PLCB1: variants seen among roughly 807,000 people sequenced by gnomAD.
The protein encoded by PLCB1 is phospholipase C beta 1.
In PLCB1, 46 loss-of-function variants were observed where a neutral mutation model predicts 161.8. The ratio of observed to expected loss-of-function variants is 0.28; its 90% confidence interval spans 0.22 to 0.36. The LOEUF is 0.36. PLCB1 is among the 10% of genes least tolerant of loss of function. PLCB1 has a pLI of 1.00. For missense variants in PLCB1, 1,016 were observed against 1,472.5 expected (o/e 0.69, Z 5.07); for synonymous variants, 517 against 503.7 (o/e 1.03, Z -0.35).
chr20:8,352,173 C>T (rs1275266838), intron 2 of PLCB1, among the ~76,000 whole-genome samples: 1 of 152,026 alleles, frequency 6.6e-6, no homozygotes, highest in East Asian at 1.9e-4. Context: ...AGCTTTCAAA[C>T]CATGCAAAGA....
intron 4 of PLCB1, among the ~76,000 whole-genome samples, chr20:8,644,546 A>C (rs1417396947): frequency 1.4e-4 from 16 of 111,488 alleles, no homozygotes; most frequent in African/African-American, 3.9e-4. Context: ...AAGTGAGGAG[A>C]CCCTCCGCCC....
chr20:8,374,993 G>A (rs1293600285), intron 3 of PLCB1, among the ~76,000 whole-genome samples: 1 of 152,074 alleles, frequency 6.6e-6, no homozygotes, highest in African/African-American at 2.4e-5. Flanking sequence ...TACAGGAAAT[G>A]GAAAAGCTTC....
At chr20:8,162,333 C>A (rs2051634657) in intron 2 of PLCB1, among the ~76,000 whole-genome samples, 1 of 152,058 alleles carries the variant, frequency 6.6e-6, no homozygotes, top group African/African-American at 2.4e-5. Context: ...TTAAGAATGA[C>A]CTTATATAAC....
At chr20:8,790,106 G>T (rs45541432) in intron 30 of PLCB1, 69 bp from the exon 31 acceptor site, 1 of 1,033,916 alleles carries the variant, frequency 9.7e-7, no homozygotes, top group South Asian at 1.4e-5. Context: ...AAAAGCTTTC[G>T]GTATTTTCTG....
intron 31 of PLCB1, among the ~76,000 whole-genome samples, chr20:8,845,039 G>A (rs943142803): frequency 5.9e-5 from 9 of 151,992 alleles, no homozygotes; most frequent in Admixed American, 2.0e-4. Flanking sequence ...GTGTGAACCC[G>A]GGATGGGGAG....
At chr20:8,540,991 T>C (rs1985293419) in intron 3 of PLCB1, among the ~76,000 whole-genome samples, 1 of 152,156 alleles carries the variant, frequency 6.6e-6, no homozygotes, top group Admixed American at 6.5e-5. Context: ...CTCAGTGGCA[T>C]GTGCACAAAC....
chr20:8,791,362 C>G (rs1053769214), intron 31 of PLCB1, among the ~76,000 whole-genome samples: 2 of 152,048 alleles, frequency 1.3e-5, no homozygotes, highest in Non-Finnish European at 2.9e-5. Flanking sequence ...AACATAATTT[C>G]AGAAATTGCT....
intron 2 of PLCB1, among the ~76,000 whole-genome samples, chr20:8,201,551 G>T (rs1007636857): frequency 6.6e-6 from 1 of 152,120 alleles, no homozygotes. Flanking sequence ...TCAACATTAT[G>T]ATTTGGTACT....
chr20:8,785,579 G>A (rs1600325765), intron 27 of PLCB1, among the ~76,000 whole-genome samples: 2 of 152,114 alleles, frequency 1.3e-5, no homozygotes, highest in East Asian at 3.9e-4. Context: ...GCAAATGCAG[G>A]GGGTGTGATG....
At chr20:8,584,520 T>C (rs894966015) in intron 3 of PLCB1, among the ~76,000 whole-genome samples, 7 of 142,436 alleles carry the variant, frequency 4.9e-5, no homozygotes, top group African/African-American at 1.9e-4. Flanking sequence ...GGAGCCCCCA[T>C]CCATATTGAA....
intron 31 of PLCB1, among the ~76,000 whole-genome samples, chr20:8,862,200 G>A (rs927918761): frequency 6.6e-6 from 1 of 152,148 alleles, no homozygotes; most frequent in South Asian, 2.1e-4. Flanking sequence ...ACTATGTCAT[G>A]CATGATTTAT....
At chr20:8,422,785 A>G (rs1979594966) in intron 3 of PLCB1, among the ~76,000 whole-genome samples, 1 of 152,162 alleles carries the variant, frequency 6.6e-6, no homozygotes, top group Admixed American at 6.6e-5. Flanking sequence ...CAGCGTTACC[A>G]GCAATCCAGA....
chr20:8,821,623 TA>T (rs1169561774), intron 31 of PLCB1, among the ~76,000 whole-genome samples: 1 of 147,496 alleles, frequency 6.8e-6, no homozygotes, highest in Non-Finnish European at 1.5e-5. Flanking sequence ...ACTGTAAGAA[TA>T]ATTTTGACAG....
At chr20:8,304,508 T>C (rs779009327) in intron 2 of PLCB1, among the ~76,000 whole-genome samples, 1 of 151,526 alleles carries the variant, frequency 6.6e-6, no homozygotes, top group Non-Finnish European at 1.5e-5. Flanking sequence ...CCAAACACAA[T>C]GAATCAAAAA....
At chr20:8,871,155 A>G (rs1439180348) in intron 31 of PLCB1, among the ~76,000 whole-genome samples, 1 of 152,218 alleles carries the variant, frequency 6.6e-6, no homozygotes, top group African/African-American at 2.4e-5. Flanking sequence ...TAATCCCTCT[A>G]TTGTAATCTA....
At chr20:8,636,497 G>A (rs1600213985) in intron 4 of PLCB1, among the ~76,000 whole-genome samples, 1 of 152,190 alleles carries the variant, frequency 6.6e-6, no homozygotes, top group Admixed American at 6.5e-5. Context: ...TGAAAACATC[G>A]TCTATCTGGA....
intron 2 of PLCB1, among the ~76,000 whole-genome samples, chr20:8,186,529 A>G (rs2051908158): frequency 6.6e-6 from 1 of 152,196 alleles, no homozygotes; most frequent in Non-Finnish European, 1.5e-5. Context: ...TTCTATGTGC[A>G]GAATGTACAA....
At chr20:8,681,381 A>C (rs1990216969) in intron 9 of PLCB1, among the ~76,000 whole-genome samples, 1 of 152,002 alleles carries the variant, frequency 6.6e-6, no homozygotes, top group Non-Finnish European at 1.5e-5. Flanking sequence ...ATTAACAATA[A>C]ATGGAATTTG....
chr20:8,236,809 C>T (rs562260500), intron 2 of PLCB1, among the ~76,000 whole-genome samples: 140 of 151,752 alleles, frequency 9.2e-4, no homozygotes, highest in African/African-American at 2.4e-3. Context: ...TATGGGTAAA[C>T]GATATGAATG....
Sources: gnomAD v4.1 joint callset for allele counts (sites outside exome capture counted in the v4.1 genomes callset) on GRCh38, gnomAD v4.1.1 for gene constraint, MANE v1.5 for transcripts, NCBI Gene and HGNC (gene_info 2026-07-23, HGNC 2026-07-21) for gene names.